The following POLD1 variants were observed in gnomAD, a reference collection of about 807,000 sequenced individuals.
POLD1 encodes DNA polymerase delta catalytic subunit.
A neutral mutation model predicts 129.7 loss-of-function variants in POLD1; 79 were observed. The observed-to-expected ratio is 0.61, with a 90% confidence interval of 0.51 to 0.73. POLD1 has a LOEUF of 0.73. Ranked by LOEUF, POLD1 falls within the 30% of genes least tolerant of loss-of-function variation. POLD1 has a pLI of 0.00. For missense variants in POLD1, 1,338 were observed against 1,595.8 expected (o/e 0.84, Z 2.75); for synonymous variants, 714 against 683.3 (o/e 1.04, Z -0.70).
chr19:50,416,303 C>T, intron 22 of POLD1, 93 bp from the exon 23 acceptor site: 4 of 1,369,716 alleles, frequency 2.9e-6, no homozygotes, highest in South Asian at 2.7e-5. Context: ...CGCAGGCAGG[C>T]CTAGGCCCTA....
rs778201511 is a variant in POLD1 at position 50,413,512 on chromosome 19, C to T, written c.2241C>T (p.Thr747=). The change falls in exon 18 of 27, where the codon ACC becomes ACT. Residue 747 remains threonine, a synonymous_variant. Transcript: ENST00000440232. The part of the protein sequence containing the change: ...SKYTVENGYS[T]SAKVVYGDTD... ...ACACAGTGGAGAATGGCTACAGCAC[C>T]AGTGCCAAGGTCGGGGGCTGCCCAC... is the stretch of plus-strand genomic sequence containing the variant. The T allele has an allele frequency of 4.3e-6, 7 of 1,609,278 alleles. No homozygotes were observed. In the South Asian group the frequency reaches 6.6e-5, roughly 15 times the overall value.
rs777866589 is a variant in POLD1, at chr19:50,406,992, G to A, written c.1504G>A (p.Asp502Asn). Reference sequence around the variant, plus strand: ...CCGTGCCCATCCCCAGAATGGGAACGACCAGACCCGCCGCCGCCTGGCTGT... The same window carrying A: ...CCGTGCCCATCCCCAGAATGGGAACAACCAGACCCGCCGCCGCCTGGCTGT... ...SIITDLQNGN[D>N]QTRRRLAVYC... The change falls in exon 13 of 27, where the codon GAC becomes AAC. Residue 502 changes from aspartate to asparagine, a missense_variant. Around this residue, in one of 3 missense-constraint regions of POLD1, gnomAD observed 720 missense variants for 1,002.6 expected, o/e 0.72. Coordinates refer to ENST00000440232, the MANE Select transcript of POLD1 (RefSeq NM_002691.4). This position sits in a 1 kb window ranked among gnomAD's most constrained non-coding sequence, Gnocchi z 5.5. 4.2e-5 allele frequency: 61 copies of A among 1,435,618 alleles called. No individual in the cohort carries two copies. In the Admixed American group the frequency reaches 1.1e-3, roughly 25 times the overall value. 88.9% of individuals were successfully genotyped at this position (1,435,618 alleles called of 1,614,324 possible). A position where few individuals can be genotyped will look rare whatever the true frequency, so the allele number is the denominator to read the frequency against.
rs745548510 is a variant in POLD1 at position 50,407,311 on chromosome 19, C to T, written c.1687-16C>T. On this transcript the variant is annotated splice_polypyrimidine_tract_variant and intron_variant, in intron 13 of 26. Coordinates refer to ENST00000440232, the MANE Select transcript of POLD1 (RefSeq NM_002691.4). ...CCACCTATACCCACTCCATTTCCCACCTTCTCCCCTCCCAGGCCATGCACG... is the reference window on the plus strand; with the variant it reads ...CCACCTATACCCACTCCATTTCCCATCTTCTCCCCTCCCAGGCCATGCACG... The T allele has an allele frequency of 1.6e-5, 26 of 1,607,576 alleles. No individual in the cohort carries two copies. Among genetic ancestry groups the T allele is most frequent in the Non-Finnish European group, 2.1e-5 (25 of 1,175,826 alleles).
chr19:50,393,940 T>C (rs925128707), intron 1 of POLD1: 10 of 152,148 alleles, frequency 6.6e-5, no homozygotes, highest in Admixed American at 5.2e-4. Flanking sequence ...TAACATATAC[T>C]CCATCAGTTC....
At position 50,417,050 on chromosome 19, in the gene POLD1, G is replaced by A. The variant is rs1060501858; in HGVS notation, c.3073G>A (p.Val1025Met). 8.4e-6 allele frequency: 13 copies of A among 1,550,936 alleles called. No individual in the cohort carries two copies. The highest frequency in any genetic ancestry group is 1.1e-5 in the Non-Finnish European group (13 of 1,147,050). Reference protein sequence around the residue: ...CRTVLSHQGAVCEFCQPRESE... With the variant: ...CRTVLSHQGAMCEFCQPRESE... ...GCTGACCCGCCTCCCCACAGGAGCC[G>A]TGTGTGAGTTCTGCCAGCCCCGGGA... is the stretch of plus-strand genomic sequence containing the variant. The change falls in exon 25 of 27, where the codon GTG becomes ATG. Residue 1025 changes from valine to methionine, a missense_variant. Coordinates refer to ENST00000440232, the MANE Select transcript of POLD1 (RefSeq NM_002691.4).
chr19:50,404,479 G>A (rs2038792431), intron 10 of POLD1, among the ~76,000 whole-genome samples: 1 of 149,086 alleles, frequency 6.7e-6, no homozygotes, highest in African/African-American at 2.6e-5. Flanking sequence ...AGCGAGGATG[G>A]TCTTGATCTC....
intron 20 of POLD1, 112 bp downstream of exon 20, chr19:50,415,102 C>A (rs1398101578): frequency 4.0e-6 from 4 of 993,746 alleles, no homozygotes; most frequent in African/African-American, 3.3e-5. Context: ...CGGGTCCAGG[C>A]CCCCAGCCCC....
At position 50,402,984 on chromosome 19, in the gene POLD1, G is replaced by A. The variant is rs532194873; in HGVS notation, c.971-69G>A. Reference sequence around the variant, plus strand: ...CGGGGACAGCCCCGGGGAGATGGCAGGTGCAGCCTCCCTGCTGTGTTGGGA... The same window carrying A: ...CGGGGACAGCCCCGGGGAGATGGCAAGTGCAGCCTCCCTGCTGTGTTGGGA... On this transcript the variant is annotated intron_variant, in intron 8 of 26. Transcript: ENST00000440232. The A allele has an allele frequency of 4.2e-5, 64 of 1,527,948 alleles. 1 individual carries two copies. In the East Asian group the frequency reaches 1.6e-3, roughly 37 times the overall value. 94.6% of individuals were successfully genotyped at this position (1,527,948 alleles called of 1,614,324 possible).
At chr19:50,386,817 TCA>T (rs2037986671) in intron 1 of POLD1, among the ~76,000 whole-genome samples, 1 of 152,096 alleles carries the variant, frequency 6.6e-6, no homozygotes, top group African/African-American at 2.4e-5. Flanking sequence ...GAGACAGCAG[TCA>T]CAGAGGCCTA....
rs571335388 is a variant in POLD1, at chr19:50,401,845, C to T, written c.384C>T (p.Phe128=). Residue 128 remains phenylalanine, a synonymous_variant, in exon 4 of 27, where the codon TTC becomes TTT. Transcript: ENST00000440232. ...GCTCCGTGCCTGTGCTCCGCGCCTT[C>T]GGGGTCACCGATGAGGGGTTCTCTG... The part of the protein sequence containing the change: ...SRGSVPVLRA[F]GVTDEGFSVC... 19 of 1,613,964 alleles carry T rather than the reference C, an allele frequency of 1.2e-5. No individual in the cohort carries two copies. In the African/African-American group the frequency reaches 1.7e-4, roughly 15 times the overall value.
At position 50,401,899 on chromosome 19, in the gene POLD1, C is replaced by G. The variant is rs374926513; in HGVS notation, c.438C>G (p.Pro146=). ...GCTGCCACATCCACGGCTTCGCTCC[C>G]TACTTCTACACCCCAGCGCCCCCTG... The part of the protein sequence containing the change: ...SVCCHIHGFA[P]YFYTPAPPGF... The change falls in exon 4 of 27, where the codon CCC becomes CCG. Residue 146 remains proline (P), a synonymous_variant. Transcript: ENST00000440232. 6.5e-5 allele frequency: 105 copies of G among 1,613,998 alleles called. No individual in the cohort carries two copies. Among genetic ancestry groups the G allele is most frequent in the Non-Finnish European group, 8.6e-5 (102 of 1,179,984 alleles).
In POLD1 at chr19:50,401,894, G is replaced by C. The variant is rs137953986; in HGVS notation, c.433G>C (p.Ala145Pro). 1 of 1,613,948 alleles carries C rather than the reference G, an allele frequency of 6.2e-7. No individual in the cohort carries two copies. The highest frequency in any genetic ancestry group is 8.5e-7 in the Non-Finnish European group (1 of 1,179,940). ...FSVCCHIHGF[A>P]PYFYTPAPPG... ...TGTCTGCTGCCACATCCACGGCTTCGCTCCCTACTTCTACACCCCAGCGCC... is the reference window on the plus strand; with the variant it reads ...TGTCTGCTGCCACATCCACGGCTTCCCTCCCTACTTCTACACCCCAGCGCC... The change falls in exon 4 of 27, where the codon GCT becomes CCT. Residue 145 changes from alanine to proline, a missense_variant. Around this residue, in one of 3 missense-constraint regions of POLD1, gnomAD observed 332 missense variants for 315.7 expected, o/e 1.05. Transcript: ENST00000440232.
intron 1 of POLD1, among the ~76,000 whole-genome samples, chr19:50,395,993 C>G (rs1165825998): frequency 7.0e-6 from 1 of 142,594 alleles, no homozygotes; most frequent in Non-Finnish European, 1.5e-5. Flanking sequence ...GCTGAGATTA[C>G]AGGCATAAGC....
intron 1 of POLD1, among the ~76,000 whole-genome samples, chr19:50,385,643 C>G (rs1297759292): frequency 6.6e-6 from 1 of 151,922 alleles, no homozygotes; most frequent in African/African-American, 2.4e-5. Flanking sequence ...AGTCTCGTGC[C>G]TCAGCCTCCT....
chr19:50,386,134 CAT>C (rs1040218663), intron 1 of POLD1, among the ~76,000 whole-genome samples: 28 of 151,856 alleles, frequency 1.8e-4, no homozygotes, highest in Non-Finnish European at 3.5e-4. Context: ...TTTCAACTCA[CAT>C]GTCTTTTTTT....
Position 50,403,608 on chromosome 19 carries a change from G to GCTCCTTGCCACCCTCCAA in POLD1, c.1242+11_1242+12insCTCCTTGCCACCCTCCAA. The GCTCCTTGCCACCCTCCAA allele has an allele frequency of 6.3e-7, 1 of 1,580,144 alleles. No individual in the cohort carries two copies. Among genetic ancestry groups the GCTCCTTGCCACCCTCCAA allele is most frequent in the Non-Finnish European group, 8.7e-7 (1 of 1,149,044 alleles). On this transcript the variant is annotated intron_variant, in intron 10 of 26. Transcript: ENST00000440232. ...GCCCAGACCCTCAAGGTGAGGGCTG[G>GCTCCTTGCCACCCTCCAA]GCAGGTGGGAGGCTTCTCTCAGATG...
intron 8 of POLD1, 123 bp downstream of exon 8, chr19:50,402,864 T>C (rs963666296): frequency 2.9e-6 from 4 of 1,384,838 alleles, no homozygotes; most frequent in Admixed American, 2.1e-5. Flanking sequence ...CCCCAGCCCA[T>C]GTGGCCAGAT....
chr19:50,409,700 G>A lies in POLD1; in HGVS notation c.2154+34G>A, dbSNP rs748569653. ...TCGGGCCCCTGGAAGGCAACTGGGG[G>A]CAGGTGGGCCCCCTGTGTAGGAGAC... On this transcript the variant is annotated intron_variant, in intron 17 of 26. Coordinates refer to ENST00000440232, the MANE Select transcript of POLD1 (RefSeq NM_002691.4). The surrounding 1 kb of genome is among the most constrained non-coding windows in gnomAD (Gnocchi z 5.8). 8 of 1,573,192 alleles carry A rather than the reference G, an allele frequency of 5.1e-6. No individual in the cohort carries two copies. Among genetic ancestry groups the A allele is most frequent in the Admixed American group, 1.8e-5 (1 of 56,514 alleles).
intron 1 of POLD1, among the ~76,000 whole-genome samples, chr19:50,396,238 C>T (rs1220975059): frequency 1.3e-5 from 2 of 151,164 alleles, no homozygotes; most frequent in African/African-American, 2.4e-5. Flanking sequence ...AGGTGTGTAC[C>T]GCCACACCCA....
Sources: gnomAD v4.1 joint callset for allele counts (sites outside exome capture counted in the v4.1 genomes callset) on GRCh38, gnomAD v4.1.1 for gene constraint, gnomAD v4.1.1 regional missense constraint, Gnocchi (gnomAD v3.1) non-coding constraint, MANE v1.5 for transcripts, NCBI Gene and HGNC (gene_info 2026-07-23, HGNC 2026-07-21) for gene names.